QARS1: variants seen among roughly 807,000 people sequenced by gnomAD.
QARS1 encodes glutaminyl-tRNA synthetase 1.
QARS1 carries 79 observed loss-of-function variants against 106.9 expected under a neutral mutation model. That is an observed-to-expected ratio of 0.74 (90% confidence interval 0.62 to 0.89). QARS1 has a LOEUF of 0.89. QARS1 is among the 40% of genes least tolerant of loss of function. QARS1 has a pLI of 0.00. For synonymous variants in QARS1, 395 were observed against 367.7 expected, an observed-to-expected ratio of 1.07 and a Z score of -0.85; for missense variants, 966 against 997.2, an observed-to-expected ratio of 0.97 and a Z score of 0.42.
intron 2 of QARS1, 117 bp downstream of exon 2, chr3:49,104,207 G>T: frequency 6.9e-7 from 1 of 1,448,900 alleles, no homozygotes; most frequent in Non-Finnish European, 9.6e-7. Context: ...ATGCCTCAGT[G>T]CCTGTGCAGA....
At chr3:49,103,551 C>G (rs1306114759) in intron 4 of QARS1, 80 bp downstream of exon 4, 5 of 1,565,328 alleles carry the variant, frequency 3.2e-6, no homozygotes, top group Non-Finnish European at 4.4e-6. Flanking sequence ...TGTTCCTTCC[C>G]CCACCTCCTT....
intron 5 of QARS1, 50 bp downstream of exon 5, chr3:49,103,295 C>G (rs201923156): frequency 7.8e-5 from 124 of 1,590,216 alleles, no homozygotes; most frequent in Middle Eastern, 1.7e-4. Flanking sequence ...ATTCCAGGCT[C>G]TGTTCATGCC....
At chr3:49,100,527 G>A in intron 11 of QARS1, 48 bp downstream of exon 11, 8 of 1,595,834 alleles carry the variant, frequency 5.0e-6, no homozygotes, top group Non-Finnish European at 6.9e-6. Context: ...ATGGCCCAAG[G>A]AGAGGCCCAC....
intron 18 of QARS1, 51 bp from the exon 19 acceptor site, chr3:49,099,040 C>A: frequency 6.2e-7 from 1 of 1,613,094 alleles, no homozygotes; most frequent in Non-Finnish European, 8.5e-7. Context: ...CATTAGGACC[C>A]CCATGCCCAG....
intron 2 of QARS1, 120 bp downstream of exon 2, chr3:49,104,204 A>T (rs1157463432): frequency 1.4e-6 from 2 of 1,436,134 alleles, no homozygotes; most frequent in African/African-American, 1.4e-5. Context: ...TCCATGCCTC[A>T]GTGCCTGTGC....
rs1426421839 is a variant in QARS1, at chr3:49,102,394, G to A, written c.570+25C>T. The A allele has an allele frequency of 2.5e-6, 4 of 1,613,872 alleles. No individual in the cohort carries two copies. In the South Asian group the frequency reaches 3.3e-5, roughly 13 times the overall value. ...CACCATACCTCACCTCACCCTCAGG[G>A]ACTCAGGGCCATGCCCATCCCTACC... On this transcript the variant is annotated intron_variant, in intron 6 of 23. Transcript: ENST00000306125.
chr3:49,102,702 C>A, intron 5 of QARS1: 1 of 612,124 alleles, frequency 1.6e-6, no homozygotes, highest in Non-Finnish European at 3.0e-6. Flanking sequence ...AATGCAATGG[C>A]ACAGTCTCCG....
intron 10 of QARS1, 91 bp from the exon 11 acceptor site, chr3:49,100,765 A>C: frequency 1.6e-5 from 18 of 1,134,822 alleles, no homozygotes; most frequent in Non-Finnish European, 2.1e-5. Context: ...GAGCACTCTC[A>C]TGTCAGAATT....
chr3:49,102,532 T>A, intron 5 of QARS1, 60 bp from the exon 6 acceptor site: 4 of 1,595,178 alleles, frequency 2.5e-6, no homozygotes, highest in Non-Finnish European at 3.4e-6. Context: ...AGCCCCTGAC[T>A]GATCCTACCC....
At chr3:49,103,591 C>G in intron 4 of QARS1, 40 bp downstream of exon 4, 2 of 1,601,506 alleles carry the variant, frequency 1.2e-6, no homozygotes, top group South Asian at 2.2e-5. Context: ...AAAGGCATGA[C>G]CAGAGAGAAC....
At chr3:49,104,154 C>A in intron 2 of QARS1, 170 bp downstream of exon 2, 1 of 1,168,082 alleles carries the variant, frequency 8.6e-7, no homozygotes, top group Non-Finnish European at 1.3e-6. Context: ...CCCCTCAGAC[C>A]CTGACAGTTC....
Position 49,098,433 on chromosome 3 carries a change from T to C in QARS1, c.2004A>G (p.Ala668=), listed in dbSNP as rs940163832. 1.2e-6 allele frequency: 2 copies of C among 1,614,230 alleles called. No homozygotes were observed. Among genetic ancestry groups the C allele is most frequent in the Non-Finnish European group, 1.7e-6 (2 of 1,180,042 alleles). The part of the protein sequence containing the change: ...VESLEVTCRR[A]DAGEKPKAFI... ...AGGCCTTTGGCTTCTCTCCAGCATCTGCCCGTCTGCAGGTCACCTCCAGAC... is the reference window on the plus strand; with the variant it reads ...AGGCCTTTGGCTTCTCTCCAGCATCCGCCCGTCTGCAGGTCACCTCCAGAC... Residue 668 remains alanine, a synonymous_variant, in exon 21 of 24, where the codon GCA becomes GCG. Transcript: ENST00000306125.
chr3:49,099,343 C>G lies in QARS1; in HGVS notation c.1614+1G>C, dbSNP rs1038753186. 1.2e-6 allele frequency: 2 copies of G among 1,614,178 alleles called. No individual in the cohort carries two copies. The highest frequency in any genetic ancestry group is 2.2e-5 in the East Asian group (1 of 44,892). ...TATCTACCCAACCTGCTGGGCTATA[C>G]CCGGGCACAGAAGTTGTTGATGGCC... On this transcript the variant is annotated splice_donor_variant, in intron 17 of 23. Transcript: ENST00000306125. LOFTEE classifies it high-confidence loss of function.
intron 18 of QARS1, 42 bp downstream of exon 18, chr3:49,099,068 G>C: frequency 6.2e-7 from 1 of 1,613,932 alleles, no homozygotes; most frequent in Non-Finnish European, 8.5e-7. Context: ...TGTACCCCCA[G>C]CTACACACAC....
At chr3:49,103,529 T>TTG (rs2042498355) in intron 4 of QARS1, 102 bp downstream of exon 4, 4 of 1,564,688 alleles carry the variant, frequency 2.6e-6, no homozygotes, top group Non-Finnish European at 3.5e-6. Context: ...CCAGACCACT[T>TTG]TAAGTCACTC....
intron 9 of QARS1, 26 bp from the exon 10 acceptor site, chr3:49,101,467 G>T (rs1559968717): frequency 1.3e-6 from 2 of 1,598,308 alleles, no homozygotes; most frequent in South Asian, 1.1e-5. Context: ...TGGGAAAAGA[G>T]AAATAAAGTC....
intron 23 of QARS1, among the ~76,000 whole-genome samples, chr3:49,096,640 A>C (rs1400902100): frequency 2.0e-5 from 3 of 151,844 alleles, no homozygotes; most frequent in African/African-American, 7.3e-5. Flanking sequence ...TCTACTAAAA[A>C]ATAGAAAAAA....
chr3:49,101,738 C>A (rs1338743858), intron 8 of QARS1, 33 bp from the exon 9 acceptor site: 1 of 1,613,358 alleles, frequency 6.2e-7, no homozygotes, highest in African/African-American at 1.3e-5. Context: ...AAGGACCAGG[C>A]TGCAGCCAAA....
rs1391292145 is a variant in QARS1 at position 49,100,261 on chromosome 3, G to A, written c.1093C>T (p.Leu365Phe). The change falls in exon 13 of 24, where the codon CTC becomes TTC. Residue 365 changes from leucine (L) to phenylalanine (F), a missense_variant. Coordinates refer to ENST00000306125, the MANE Select transcript of QARS1 (RefSeq NM_005051.3). ...AYVCHQRGEE[L>F]KGHNTLPSPW... is the part of the protein sequence containing the mutation. ...GAAGGCAGAGTATTATGGCCTTTGA[G>A]CTCCTCTCCTCGCTGGTGGCACACA... The A allele has an allele frequency of 6.2e-7, 1 of 1,614,132 alleles. No homozygotes were observed. The highest frequency in any genetic ancestry group is 8.5e-7 in the Non-Finnish European group (1 of 1,180,054).
Sources: gnomAD v4.1 joint callset for allele counts (sites outside exome capture counted in the v4.1 genomes callset) on GRCh38, gnomAD v4.1.1 for gene constraint, MANE v1.5 for transcripts, NCBI Gene and HGNC (gene_info 2026-07-23, HGNC 2026-07-21) for gene names.